The following EXOC6 variants were observed in gnomAD, a reference collection of about 807,000 sequenced individuals.
EXOC6 encodes exocyst complex component 6.
A neutral mutation model predicts 112.5 loss-of-function variants in EXOC6; 60 were observed. The ratio of observed to expected loss-of-function variants is 0.53; its 90% CI spans 0.43 to 0.66. The LOEUF (loss-of-function observed/expected upper bound fraction) is 0.66. Ranked by LOEUF, EXOC6 falls within the 30% of genes least tolerant of loss-of-function variation. The probability of loss-of-function intolerance (pLI) is 0.00; values close to 1 mark genes in which losing one functional copy is unlikely to be tolerated. For synonymous variants in EXOC6, 295 were observed against 308.0 expected (o/e 0.96, Z 0.44); for missense variants, 855 against 957.1 (o/e 0.89, Z 1.41).
intron 18 of EXOC6, chr10:92,987,722 T>A: frequency 1.4e-6 from 1 of 696,350 alleles, no homozygotes; most frequent in Non-Finnish European, 1.8e-6. Flanking sequence ...TCTGCTTAGG[T>A]ATTTAAATTA....
intron 17 of EXOC6, among the ~76,000 whole-genome samples, chr10:92,969,552 C>T (rs957635653): frequency 6.6e-6 from 1 of 152,156 alleles, no homozygotes; most frequent in Non-Finnish European, 1.5e-5. Context: ...TCCATATCAC[C>T]ATGTAGCTTT....
At position 92,964,003 on chromosome 10, in the gene EXOC6, T is replaced by TA. The variant is rs1001118753; in HGVS notation, c.1773+8302dup. ...TATCCTAAAGCCTAATACTCTTTTT[T>TA]AAAAAAAAAAAAATCACAGTAATAT... On this transcript the variant is annotated intron_variant, in intron 17 of 21. Coordinates refer to ENST00000260762, the MANE Select transcript of EXOC6 (RefSeq NM_019053.6). 7.5e-4 allele frequency among the ~76,000 whole-genome samples: 109 copies of TA among 145,256 alleles called. No homozygotes were observed. In the Middle Eastern group the frequency reaches 0.014, roughly 19 times the overall value.
chr10:92,944,758 G>T (rs1299975176), intron 13 of EXOC6, among the ~76,000 whole-genome samples: 1 of 150,538 alleles, frequency 6.6e-6, no homozygotes, highest in African/African-American at 2.5e-5. Flanking sequence ...CAGCTGTGAG[G>T]TGATACCTCG....
At chr10:92,973,946 G>A (rs1842398333) in intron 17 of EXOC6, 107 bp from the exon 18 acceptor site, 1 of 939,934 alleles carries the variant, frequency 1.1e-6, no homozygotes, top group Non-Finnish European at 1.5e-6. Flanking sequence ...TTGAATAAAT[G>A]GCTAAAATAT....
chr10:92,930,375 T>A (rs578148783), intron 9 of EXOC6, among the ~76,000 whole-genome samples: 1 of 151,902 alleles, frequency 6.6e-6, no homozygotes, highest in South Asian at 2.1e-4. Flanking sequence ...TAGTGGCGCG[T>A]GCCTGTAATC....
At chr10:92,950,123 GA>G (rs1343870999) in intron 14 of EXOC6, among the ~76,000 whole-genome samples, 1 of 152,102 alleles carries the variant, frequency 6.6e-6, no homozygotes, top group Admixed American at 6.5e-5. Context: ...TTATTAAAAA[GA>G]AGAACTGTTA....
intron 1 of EXOC6, among the ~76,000 whole-genome samples, chr10:92,866,381 C>G (rs1441359301): frequency 6.6e-6 from 1 of 152,106 alleles, no homozygotes; most frequent in African/African-American, 2.4e-5. Flanking sequence ...TGAACACTTT[C>G]ATTAACATGT....
chr10:92,980,205 A>G (rs1250960432), intron 18 of EXOC6, among the ~76,000 whole-genome samples: 1 of 152,226 alleles, frequency 6.6e-6, no homozygotes, highest in Non-Finnish European at 1.5e-5. Context: ...CTGTAGAGTT[A>G]GAAATACTTA....
intron 12 of EXOC6, among the ~76,000 whole-genome samples, chr10:92,939,101 A>G (rs1256431224): frequency 6.6e-6 from 1 of 152,062 alleles, no homozygotes; most frequent in Non-Finnish European, 1.5e-5. Context: ...TAAACTGATG[A>G]GGTGGTTTGA....
intron 20 of EXOC6, among the ~76,000 whole-genome samples, chr10:93,024,815 G>A (rs1347397793): frequency 1.3e-5 from 2 of 152,146 alleles, no homozygotes; most frequent in Non-Finnish European, 2.9e-5. Flanking sequence ...TTTATTACAT[G>A]AAACATCCTT....
chr10:92,894,990 G>T lies in EXOC6; in HGVS notation c.382G>T (p.Val128Leu). 1 of 1,612,020 alleles carries T rather than the reference G, an allele frequency of 6.2e-7. No homozygotes were observed. The highest frequency in any genetic ancestry group is 8.5e-7 in the Non-Finnish European group (1 of 1,178,296). Reference sequence around the variant, plus strand: ...AATTCAGCAGAGAAATATTACAACTGTAGTAGAAAAATTGCAGTTATGCCT... The same window carrying T: ...AATTCAGCAGAGAAATATTACAACTTTAGTAGAAAAATTGCAGTTATGCCT... ...CRIQQRNITT[V>L]VEKLQLCLPV... The change falls in exon 4 of 22, where the codon GTA (valine) becomes TTA (leucine). Residue 128 changes from valine (V) to leucine (L), a missense_variant. Around this residue, in one of 2 missense-constraint regions of EXOC6, gnomAD observed 405 missense variants for 393.6 expected, o/e 1.03. Transcript: ENST00000260762.
rs1842890579 is a variant in EXOC6, at chr10:92,983,325, A to G, written c.1953+9093A>G. 2.0e-5 allele frequency among the ~76,000 whole-genome samples: 3 copies of G among 152,022 alleles called. No homozygotes were observed. In the South Asian group the frequency reaches 6.2e-4, roughly 32 times the overall value. On this transcript the variant is annotated intron_variant, in intron 18 of 21. Transcript: ENST00000260762. ...CCCATTTCCACTCCCAGTCTTCCAG[A>G]CTGCTGTTTTTCACTATTTGGTTTT...
chr10:92,957,417 A>C lies in EXOC6; in HGVS notation c.1773+1703A>C, dbSNP rs114505575. Among the ~76,000 whole-genome samples, 1,045 of 152,282 alleles carry C rather than the reference A, an allele frequency of 6.9e-3. 21 individuals carry two copies. Among genetic ancestry groups the C allele is most frequent in the African/African-American group, 0.024 (993 of 41,574 alleles). ...TACTGGAACACAATGTTCTTAGATT[A>C]GGGGATCTTGGAACTGCTTTTCTCA... On this transcript the variant is annotated intron_variant, in intron 17 of 21. Coordinates refer to ENST00000260762, the MANE Select transcript of EXOC6 (RefSeq NM_019053.6).
intron 20 of EXOC6, among the ~76,000 whole-genome samples, chr10:93,029,153 C>G (rs1845158212): frequency 6.6e-6 from 1 of 152,164 alleles, no homozygotes; most frequent in Non-Finnish European, 1.5e-5. Context: ...GCTGAAGGCT[C>G]AAATGATCAT....
chr10:93,009,496 T>A (rs1169011808), intron 19 of EXOC6, among the ~76,000 whole-genome samples: 1 of 152,120 alleles, frequency 6.6e-6, no homozygotes, highest in Non-Finnish European at 1.5e-5. Flanking sequence ...GAGTTCATGA[T>A]TTAGTGGGAA....
intron 1 of EXOC6, among the ~76,000 whole-genome samples, chr10:92,850,119 A>G (rs1847250936): frequency 6.6e-6 from 1 of 152,232 alleles, no homozygotes; most frequent in Non-Finnish European, 1.5e-5. Context: ...GCAGTGTGTG[A>G]TAAAGTTACT....
At chr10:92,881,018 G>A (rs974860945) in intron 1 of EXOC6, among the ~76,000 whole-genome samples, 4 of 152,210 alleles carry the variant, frequency 2.6e-5, no homozygotes, top group South Asian at 2.1e-4. Flanking sequence ...TTGGGGTCTC[G>A]TATGTGGTTG....
chr10:93,014,550 T>C (rs981868077), intron 20 of EXOC6, among the ~76,000 whole-genome samples: 2 of 152,220 alleles, frequency 1.3e-5, no homozygotes, highest in East Asian at 1.9e-4. Context: ...CTTGCTATAA[T>C]GACACTTGAT....
intron 1 of EXOC6, among the ~76,000 whole-genome samples, chr10:92,879,910 G>C (rs979300001): frequency 9.9e-5 from 15 of 152,092 alleles, no homozygotes; most frequent in Admixed American, 7.2e-4. Context: ...TGCTGTTTAT[G>C]ATTCTGTTCT....
Sources: allele counts gnomAD v4.1 joint callset (sites outside exome capture counted in the v4.1 genomes callset), GRCh38; gene constraint gnomAD v4.1.1; regional missense constraint gnomAD v4.1.1; transcripts MANE v1.5; gene names NCBI Gene and HGNC (gene_info 2026-07-23, HGNC 2026-07-21).